The following C13orf46 variants were observed in gnomAD, a reference collection of about 807,000 sequenced individuals.
The protein encoded by C13orf46 is uncharacterized protein C13orf46.
chr13:113,952,420 C>T (rs948908640), downstream of C13orf46, among the ~76,000 whole-genome samples: 3 of 152,262 alleles, frequency 2.0e-5, no homozygotes, highest in East Asian at 1.9e-4. Context: ...CCGCCGCTCC[C>T]GCCTGCTCAG....
chr13:113,956,925 A>G (rs2052539804), intron 6 of C13orf46, 86 bp from the exon 7 acceptor site: 1 of 152,298 alleles, frequency 6.6e-6, no homozygotes, highest in African/African-American at 2.4e-5. Context: ...AGCACCCCCA[A>G]CCTGAAGTGC....
chr13:113,948,978 G>A (rs2052479503), downstream of C13orf46, among the ~76,000 whole-genome samples: 1 of 152,198 alleles, frequency 6.6e-6, no homozygotes, highest in African/African-American at 2.4e-5. Flanking sequence ...GCTTTAGGGT[G>A]GGAGCTTGTT....
At chr13:113,935,267 G>A in the C13orf46 span, among the ~76,000 whole-genome samples, 1 of 152,260 alleles carries the variant, frequency 6.6e-6, no homozygotes, top group South Asian at 2.1e-4. Flanking sequence ...GCTCCTCAGG[G>A]AGAGGTGGAA....
intron 1 of C13orf46, among the ~76,000 whole-genome samples, chr13:113,973,294 C>T (rs984003184): frequency 1.1e-4 from 16 of 152,132 alleles, no homozygotes; most frequent in Non-Finnish European, 2.1e-4. Flanking sequence ...GACAGCTGAC[C>T]GTCAACAGGC....
the C13orf46 span, among the ~76,000 whole-genome samples, chr13:113,947,374 C>G: frequency 6.6e-6 from 1 of 152,156 alleles, no homozygotes; most frequent in Admixed American, 6.5e-5. Context: ...AGAACCCGCT[C>G]CAGATGGGCA....
the C13orf46 span, chr13:113,927,430 G>A: frequency 2.5e-5 from 10 of 397,242 alleles, no homozygotes; most frequent in African/African-American, 1.9e-4. Flanking sequence ...CCATCCTCAG[G>A]TTTGCATTTC....
At chr13:113,957,713 C>T (rs2052550701) in intron 6 of C13orf46, among the ~76,000 whole-genome samples, 1 of 132,954 alleles carries the variant, frequency 7.5e-6, no homozygotes, top group South Asian at 2.6e-4. Flanking sequence ...TTTCATCAAG[C>T]ACACTGGGGG....
the C13orf46 span, among the ~76,000 whole-genome samples, chr13:113,945,624 G>GAAAGAAAA: frequency 7.9e-6 from 1 of 126,244 alleles, no homozygotes; most frequent in Non-Finnish European, 1.7e-5. Flanking sequence ...AAGAAAGAAA[G>GAAAGAAAA]AAAGAAAGAA....
At chr13:113,940,400 C>A in the C13orf46 span, among the ~76,000 whole-genome samples, 1 of 152,378 alleles carries the variant, frequency 6.6e-6, no homozygotes, top group African/African-American at 2.4e-5. Flanking sequence ...ACAGAAGACG[C>A]AGGTGCTGGT....
At chr13:113,958,549 C>G (rs2052561197) in intron 6 of C13orf46, among the ~76,000 whole-genome samples, 1 of 152,180 alleles carries the variant, frequency 6.6e-6, no homozygotes, top group African/African-American at 2.4e-5. Flanking sequence ...GCCAAACATG[C>G]CCTCGCACTC....
rs892724226 is a variant in C13orf46, at chr13:113,953,737, G to C, written c.*3036C>G. On this transcript the variant is annotated 3_prime_UTR_variant, in exon 7 of 7. Coordinates refer to ENST00000636427, the MANE Select transcript of C13orf46 (RefSeq NM_001365455.2). ...TCATGCCGATGTTTGCTCTGTGGGG[G>C]AGGGTGCTGGGAGCCACCCGGCAGA... is the stretch of plus-strand genomic sequence containing the variant. The C allele has an allele frequency of 3.3e-5, 5 of 152,374 alleles. No individual in the cohort carries two copies. The highest frequency in any genetic ancestry group is 7.2e-5 in the African/African-American group (3 of 41,582). The allele number at this position is 152,374 out of a possible 1,614,324, so 9.4% of individuals were successfully genotyped here.
At chr13:113,933,146 T>C in the C13orf46 span, among the ~76,000 whole-genome samples, 1 of 152,228 alleles carries the variant, frequency 6.6e-6, no homozygotes, top group Non-Finnish European at 1.5e-5. Context: ...ATTACAGGTG[T>C]GAGCCACTGC....
At chr13:113,945,861 C>G in the C13orf46 span, among the ~76,000 whole-genome samples, 1 of 152,092 alleles carries the variant, frequency 6.6e-6, no homozygotes, top group Non-Finnish European at 1.5e-5. Context: ...CCAGTCTTAT[C>G]CAGGCCATGT....
chr13:113,957,551 C>T (rs1349592335), intron 6 of C13orf46, among the ~76,000 whole-genome samples: 12 of 111,926 alleles, frequency 1.1e-4, no homozygotes, highest in Middle Eastern at 7.6e-3. Flanking sequence ...ACTCTGCCTG[C>T]ACCCCCTTTC....
chr13:113,928,646 A>C, the C13orf46 span: 2 of 152,802 alleles, frequency 1.3e-5, no homozygotes, highest in Non-Finnish European at 2.9e-5. Flanking sequence ...ATGGAAAAAG[A>C]AGCATGTCCA....
At position 113,955,649 on chromosome 13, in the gene C13orf46, GTCTGGCAGAGACA is replaced by G. The variant is rs2052522619; in HGVS notation, c.*1111_*1123del. The G allele has an allele frequency of 1.2e-4, 5 of 42,616 alleles. 1 individual carries two copies. Among genetic ancestry groups the G allele is most frequent in the East Asian group, 2.2e-3 (2 of 930 alleles). The allele number at this position is 42,616 out of a possible 1,614,324, so 2.6% of individuals were successfully genotyped here. On this transcript the variant is annotated 3_prime_UTR_variant, in exon 7 of 7. Transcript: ENST00000636427. The stretch of plus-strand genomic sequence containing the variant: ...GTGTCTGGCGGAGACGAGGAGTAGT[GTCTGGCAGAGACA>G]AGGAGTAGTGTCTGGCAGAGACGAG...
At chr13:113,972,675 T>C (rs1001518291) in intron 1 of C13orf46, among the ~76,000 whole-genome samples, 2 of 152,220 alleles carry the variant, frequency 1.3e-5, no homozygotes, top group African/African-American at 4.8e-5. Context: ...AGGGGCAGCC[T>C]ACACGTTTCG....
intron 1 of C13orf46, among the ~76,000 whole-genome samples, chr13:113,972,197 C>T (rs970096731): frequency 2.0e-5 from 3 of 152,196 alleles, no homozygotes; most frequent in Non-Finnish European, 2.9e-5. Flanking sequence ...ATCCACTCCC[C>T]GCCCCAACTT....
the C13orf46 span, among the ~76,000 whole-genome samples, chr13:113,947,848 C>T: frequency 0.12 from 17,784 of 152,254 alleles, 1,139 homozygotes; most frequent in Middle Eastern, 0.15. Flanking sequence ...CCACCATGGC[C>T]CATCAGCCAG....
Sources: gnomAD v4.1 joint callset for allele counts (sites outside exome capture counted in the v4.1 genomes callset) on GRCh38, gnomAD v4.1.1 for gene constraint, MANE v1.5 for transcripts, NCBI Gene and HGNC (gene_info 2026-07-23, HGNC 2026-07-21) for gene names.